HS3ST6: variants seen among roughly 807,000 people sequenced by gnomAD.
The protein encoded by HS3ST6 is heparan sulfate-glucosamine 3-sulfotransferase 6, also known as heparan sulfate glucosamine 3-O-sulfotransferase 6.
HS3ST6 carries 13 observed loss-of-function variants against 11.0 expected under a neutral mutation model. That is an observed-to-expected ratio of 1.18 (90% confidence interval 0.77 to 1.88). The LOEUF (loss-of-function observed/expected upper bound fraction) is 1.88, where lower values mean the gene tolerates loss of function less well. HS3ST6 is among the 40% of genes most tolerant of loss of function. The pLI is 0.00. For synonymous variants in HS3ST6, 232 were observed against 230.6 expected, an observed-to-expected ratio of 1.01 and a Z score of -0.06; for missense variants, 541 against 494.4, an observed-to-expected ratio of 1.09 and a Z score of -0.89.
chr16:1,915,071 C>G (rs896655820), intron 1 of HS3ST6, among the ~76,000 whole-genome samples: 1 of 152,134 alleles, frequency 6.6e-6, no homozygotes, highest in African/African-American at 2.4e-5. Flanking sequence ...CACCTCAGGC[C>G]TGGGACTCGC....
rs140188911 is a variant in HS3ST6, at chr16:1,912,205, C to T, written c.414G>A (p.Arg138=). 4,743 of 1,414,456 alleles carry T rather than the reference C, an allele frequency of 3.4e-3. 60 individuals carry two copies. In the East Asian group the frequency reaches 0.043, roughly 13 times the overall value. The allele number at this position is 1,414,456 out of a possible 1,614,324, so 87.6% of individuals were successfully genotyped here. Residue 138 remains arginine (R), a splice_region_variant and synonymous_variant, in exon 2 of 2, where the codon CGG becomes CGA. Transcript: ENST00000454677. The surrounding 1 kb of genome is among the most constrained non-coding windows in gnomAD (Gnocchi z 5.6). ...CATCCAGGGTTCGGGGCATCAGACT[C>T]CTGCGGGACGGGTGCAAGGAGAGGG... ...RCYERGLAWY[R]SLMPRTLDGQ... is the part of the protein sequence containing the mutation.
At chr16:1,919,333 G>T (rs1279445196), upstream of HS3ST6, among the ~76,000 whole-genome samples, 2 of 152,214 alleles carry the variant, frequency 1.3e-5, no homozygotes, top group East Asian at 3.9e-4. Flanking sequence ...GGGGCCTCTC[G>T]GGTGGGACCT....
Position 1,911,576 on chromosome 16 carries a change from C to T in HS3ST6, c.*14G>A, listed in dbSNP as rs1337983572. On this transcript the variant is annotated 3_prime_UTR_variant, in exon 2 of 2. Transcript: ENST00000454677. ...GGGTGTCAATCAAGGTGCTGAGCAT[C>T]CCCAGGGTGCCGCTCAGCCCCAGCC... 5 of 1,580,772 alleles carry T rather than the reference C, an allele frequency of 3.2e-6. No homozygotes were observed. The highest frequency in any genetic ancestry group is 4.3e-6 in the Non-Finnish European group (5 of 1,164,124).
At chr16:1,920,215 C>G (rs1239885640), upstream of HS3ST6, among the ~76,000 whole-genome samples, 1 of 127,114 alleles carries the variant, frequency 7.9e-6, no homozygotes, top group Non-Finnish European at 1.7e-5. Context: ...CTCAGGAGCC[C>G]CCACGGTCTC....
chr16:1,911,853 G>A lies in HS3ST6; in HGVS notation c.766C>T (p.Pro256Ser). The change falls in exon 2 of 2, where the codon CCG becomes TCG. Residue 256 changes from proline (P) to serine (S), a missense_variant. Coordinates refer to ENST00000454677, the MANE Select transcript of HS3ST6 (RefSeq NM_001009606.4). Reference protein sequence around the residue: ...FVSGERLVSDPAGEVGRVQDF... With the variant: ...FVSGERLVSDSAGEVGRVQDF... ...TGCACGCGGCCGACCTCTCCGGCCGGGTCGCTGACCAGACGCTCCCCGCTG... is the reference window on the plus strand; with the variant it reads ...TGCACGCGGCCGACCTCTCCGGCCGAGTCGCTGACCAGACGCTCCCCGCTG... The A allele has an allele frequency of 6.2e-7, 1 of 1,610,504 alleles. No individual in the cohort carries two copies. The highest frequency in any genetic ancestry group is 8.5e-7 in the Non-Finnish European group (1 of 1,178,118).
Position 1,918,299 on chromosome 16 carries a change from C to A in HS3ST6, c.25G>T (p.Gly9Cys). The change falls in exon 1 of 2, where the codon GGC (glycine) becomes TGC (cysteine). Residue 9 changes from glycine to cysteine, a missense_variant. Transcript: ENST00000454677. The surrounding 1 kb of genome is among the most constrained non-coding windows in gnomAD (Gnocchi z 6.0). MAGSGGLG[G>C]GAGGGQGAGA... is the part of the protein sequence containing the mutation. The stretch of plus-strand genomic sequence containing the variant: ...GCGCCCTGGCCGCCCCCGGCCCCGC[C>A]GCCCAGGCCGCCGCTACCTGCCATG... The A allele has an allele frequency of 1.3e-6, 1 of 741,146 alleles. No individual in the cohort carries two copies. The highest frequency in any genetic ancestry group is 1.6e-6 in the Non-Finnish European group (1 of 607,156). The allele number at this position is 741,146 out of a possible 1,614,324, so 45.9% of individuals were successfully genotyped here.
chr16:1,915,163 C>A (rs1284974333), intron 1 of HS3ST6, among the ~76,000 whole-genome samples: 1 of 152,232 alleles, frequency 6.6e-6, no homozygotes, highest in Non-Finnish European at 1.5e-5. Context: ...GGTTCTTCCC[C>A]ACTACATACT....
upstream of HS3ST6, among the ~76,000 whole-genome samples, chr16:1,919,866 G>A (rs561225665): frequency 5.9e-5 from 9 of 152,360 alleles, no homozygotes; most frequent in East Asian, 5.8e-4. Context: ...GGCAGGCAGC[G>A]GGCACAATGC....
Position 1,912,002 on chromosome 16 carries a change from G to A in HS3ST6, c.617C>T (p.Ala206Val). ...GCCCAGGCCGTGGCGGAAGGCCAGG[G>A]CGCGGAAGCTGGGCAGGCCCGGGGT... The part of the protein sequence containing the change: ...SKTPGLPSFR[A>V]LAFRHGLGPV... Residue 206 changes from alanine (A) to valine (V), a missense_variant, in exon 2 of 2, where the codon GCC (alanine) becomes GTC (valine). Transcript: ENST00000454677. This position sits in a 1 kb window ranked among gnomAD's most constrained non-coding sequence, Gnocchi z 5.6. The A allele has an allele frequency of 6.5e-7, 1 of 1,532,776 alleles. No homozygotes were observed. Among genetic ancestry groups the A allele is most frequent in the Non-Finnish European group, 8.8e-7 (1 of 1,140,812 alleles). 94.9% of individuals were successfully genotyped at this position (1,532,776 alleles called of 1,614,324 possible). A position where few individuals can be genotyped will look rare whatever the true frequency, so the allele number is the denominator to read the frequency against.
Position 1,918,004 on chromosome 16 carries a change from A to G in HS3ST6, c.320T>C (p.Leu107Pro), listed in dbSNP as rs755592719. ...GTCGGGGTGCAGCCGCAGAAACTCC[A>G]GCAGGGCGCGCGTGCCGCCCTTCTT... is the stretch of plus-strand genomic sequence containing the variant. ...GVKKGGTRALLEFLRLHPDVR... is the reference protein window; with the variant it reads ...GVKKGGTRALPEFLRLHPDVR... The change falls in exon 1 of 2, where the codon CTG becomes CCG. Residue 107 changes from leucine to proline, a missense_variant. Leu to Pro is a moderately conservative substitution (Grantham distance 98, BLOSUM62 -3). Transcript: ENST00000454677. This position sits in a 1 kb window ranked among gnomAD's most constrained non-coding sequence, Gnocchi z 6.0. 1.9e-6 allele frequency: 3 copies of G among 1,547,924 alleles called. No homozygotes were observed. The highest frequency in any genetic ancestry group is 2.4e-5 in the South Asian group (2 of 83,720).
At chr16:1,913,574 T>C (rs1250751064) in intron 1 of HS3ST6, among the ~76,000 whole-genome samples, 2 of 151,824 alleles carry the variant, frequency 1.3e-5, no homozygotes, top group Non-Finnish European at 2.9e-5. Context: ...GGGAACTAGG[T>C]CGATAGAAAC....
chr16:1,914,753 G>A lies in HS3ST6; in HGVS notation c.414-2548C>T, dbSNP rs144246733. 3.3e-5 allele frequency among the ~76,000 whole-genome samples: 5 copies of A among 152,290 alleles called. No individual in the cohort carries two copies. The East Asian group carries it at 7.7e-4, about 24-fold the overall frequency. Reference sequence around the variant, plus strand: ...AAGGGGAGTGGGAACACAGACAGGCGGCAAGGGCTTTCGAGGCCCCCTCTT... The same window carrying A: ...AAGGGGAGTGGGAACACAGACAGGCAGCAAGGGCTTTCGAGGCCCCCTCTT... On this transcript the variant is annotated intron_variant, in intron 1 of 1. Coordinates refer to ENST00000454677, the MANE Select transcript of HS3ST6 (RefSeq NM_001009606.4).
At chr16:1,914,554 G>C (rs1401280959) in intron 1 of HS3ST6, among the ~76,000 whole-genome samples, 2 of 152,132 alleles carry the variant, frequency 1.3e-5, no homozygotes, top group African/African-American at 4.8e-5. Context: ...GCGAGACCAG[G>C]AGCCCACCCC....
At chr16:1,917,130 C>A (rs1229875940) in intron 1 of HS3ST6, among the ~76,000 whole-genome samples, 1 of 152,166 alleles carries the variant, frequency 6.6e-6, no homozygotes, top group South Asian at 2.1e-4. Flanking sequence ...ATCAGAGGAT[C>A]GGGAACGGAG....
At chr16:1,915,128 G>C (rs905424418) in intron 1 of HS3ST6, among the ~76,000 whole-genome samples, 6 of 152,268 alleles carry the variant, frequency 3.9e-5, no homozygotes, top group African/African-American at 1.2e-4. Flanking sequence ...AAGTGCAGGG[G>C]GACTGCATCC....
At chr16:1,915,707 T>G (rs1319664985) in intron 1 of HS3ST6, among the ~76,000 whole-genome samples, 1 of 152,158 alleles carries the variant, frequency 6.6e-6, no homozygotes, top group Non-Finnish European at 1.5e-5. Flanking sequence ...GGTGCTTCAC[T>G]AGTGGGGGAA....
intron 1 of HS3ST6, among the ~76,000 whole-genome samples, chr16:1,916,061 T>A (rs2082923760): frequency 1.1e-5 from 1 of 89,954 alleles, no homozygotes; most frequent in East Asian, 4.0e-4. Flanking sequence ...TTGGGGAAAC[T>A]GAGACAGGGT....
Position 1,912,048 on chromosome 16 carries a change from A to G in HS3ST6, c.571T>C (p.Tyr191His). The change falls in exon 2 of 2, where the codon TAC becomes CAC. Residue 191 changes from tyrosine (Y) to histidine (H), a missense_variant. Coordinates refer to ENST00000454677, the MANE Select transcript of HS3ST6 (RefSeq NM_001009606.4). This position sits in a 1 kb window ranked among gnomAD's most constrained non-coding sequence, Gnocchi z 5.6. ...GGGGTCTTGGAGAGCGTCTGGGCGT[A>G]GTCGGAGATGGCCCGGGTCACGGGG... ...RNPVTRAISD[Y>H]AQTLSKTPGL... is the part of the protein sequence containing the mutation. The G allele has an allele frequency of 6.6e-7, 1 of 1,515,374 alleles. No homozygotes were observed. Among genetic ancestry groups the G allele is most frequent in the Non-Finnish European group, 8.8e-7 (1 of 1,133,262 alleles). The allele number at this position is 1,515,374 out of a possible 1,614,324, so 93.9% of individuals were successfully genotyped here.
rs866000425 is a variant in HS3ST6, at chr16:1,917,911, C to A, written c.413G>T (p.Arg138Leu). 2.0e-6 allele frequency: 3 copies of A among 1,463,490 alleles called. No individual in the cohort carries two copies. Among genetic ancestry groups the A allele is most frequent in the South Asian group, 1.3e-5 (1 of 74,228 alleles). The allele number at this position is 1,463,490 out of a possible 1,614,324, so 90.7% of individuals were successfully genotyped here. ...AGGGCGGACGGGCCAGGGTGCTCAC[C>A]GGTACCAGGCGAGGCCGCGCTCGTA... ...RCYERGLAWY[R>L]SLMPRTLDGQ... The change falls in exon 1 of 2, where the codon CGG becomes CTG. Residue 138 changes from arginine to leucine, a missense_variant and splice_region_variant. By Grantham distance (102) the Arg-to-Leu change is moderately radical (BLOSUM62 -2). Transcript: ENST00000454677.
Sources: allele counts gnomAD v4.1 joint callset (sites outside exome capture counted in the v4.1 genomes callset), GRCh38; gene constraint gnomAD v4.1.1; non-coding constraint Gnocchi (gnomAD v3.1); transcripts MANE v1.5; gene names NCBI Gene and HGNC (gene_info 2026-07-23, HGNC 2026-07-21).